Variants in DYSF observed in about 807,000 individuals in gnomAD.
The protein encoded by DYSF is dysferlin, also known as dystrophy-associated fer-1-like 1.
A neutral mutation model predicts 274.9 loss-of-function variants in DYSF; 212 were observed. The ratio of observed to expected loss-of-function variants is 0.77; its 90% CI spans 0.69 to 0.86. The LOEUF is 0.86. DYSF is among the 40% of genes least tolerant of loss of function. The pLI, the probability that DYSF is intolerant of heterozygous loss-of-function variation, is 0.00. For missense variants in DYSF, 2,666 were observed against 2,783.2 expected (o/e 0.96, Z 0.95); for synonymous variants, 1,091 against 1,078.7 (o/e 1.01, Z -0.22).
At chr2:71,497,248 C>A (rs1019697957) in intron 3 of DYSF, among the ~76,000 whole-genome samples, 2 of 152,104 alleles carry the variant, frequency 1.3e-5, no homozygotes, top group Non-Finnish European at 2.9e-5. Flanking sequence ...CTCAAATCAG[C>A]CTCCTCGAAA....
chr2:71,513,726 A>G lies in DYSF; in HGVS notation c.564A>G (p.Gly188=), dbSNP rs770164228. Residue 188 remains glycine (G), a synonymous_variant, in exon 7 of 56, where the codon GGA becomes GGG. Transcript: ENST00000410020. The stretch of plus-strand genomic sequence containing the variant: ...GCCCTCTCCTCTTAGACACAGGAGG[A>G]GAGGAAGACACAGAGGACCAGGGAC... The part of the protein sequence containing the change: ...KKWPAPTDTG[G]EEDTEDQGLT... The G allele has an allele frequency of 6.2e-7, 1 of 1,613,966 alleles. No individual in the cohort carries two copies. The highest frequency in any genetic ancestry group is 8.5e-7 in the Non-Finnish European group (1 of 1,179,966).
chr2:71,568,174 T>C lies in DYSF; in HGVS notation c.2700T>C (p.Tyr900=), dbSNP rs149979662. The C allele has an allele frequency of 1.4e-4, 220 of 1,614,106 alleles. 1 individual carries two copies. The highest frequency in any genetic ancestry group is 1.8e-4 in the Non-Finnish European group (211 of 1,180,044). The change falls in exon 26 of 56, where the codon TAT becomes TAC. Residue 900 remains tyrosine, a splice_region_variant and synonymous_variant. Coordinates refer to ENST00000410020, the MANE Select transcript of DYSF (RefSeq NM_001130987.2). ...EGKLSVFAET[Y]ENETKLALVG... ...CCTCATTCTTCCTGGCCCTCCAGTA[T>C]GAGAACGAGACTAAGTTGGCCCTTG... is the stretch of plus-strand genomic sequence containing the variant.
At chr2:71,458,945 T>C (rs995850546) in intron 1 of DYSF, among the ~76,000 whole-genome samples, 2 of 152,228 alleles carry the variant, frequency 1.3e-5, no homozygotes, top group Non-Finnish European at 2.9e-5. Context: ...GTTTCCACTA[T>C]GCACGATTTC....
At chr2:71,654,433 C>A (rs1374158432) in intron 42 of DYSF, among the ~76,000 whole-genome samples, 1 of 152,112 alleles carries the variant, frequency 6.6e-6, no homozygotes, top group Non-Finnish European at 1.5e-5. Flanking sequence ...AACAAGTGCA[C>A]AAAACACTTG....
chr2:71,475,859 C>T (rs551541471), intron 1 of DYSF, among the ~76,000 whole-genome samples: 1 of 152,284 alleles, frequency 6.6e-6, no homozygotes, highest in South Asian at 2.1e-4. Flanking sequence ...GCCTCAAACT[C>T]CTGGGCTCAA....
intron 34 of DYSF, 116 bp from the exon 35 acceptor site, chr2:71,601,383 A>T (rs1184478791): frequency 7.3e-7 from 1 of 1,361,706 alleles, no homozygotes; most frequent in African/African-American, 1.4e-5. Context: ...CCCTCAAGGA[A>T]TAGAGGCTGC....
At chr2:71,635,016 C>T (rs1390873301) in intron 41 of DYSF, among the ~76,000 whole-genome samples, 2 of 152,184 alleles carry the variant, frequency 1.3e-5, no homozygotes, top group African/African-American at 4.8e-5. Flanking sequence ...TAGGCTCTGT[C>T]TCCCATGACA....
At chr2:71,541,064 C>T (rs1440484010) in intron 17 of DYSF, among the ~76,000 whole-genome samples, 1 of 152,102 alleles carries the variant, frequency 6.6e-6, no homozygotes, top group Non-Finnish European at 1.5e-5. Flanking sequence ...TGTTCTTGGG[C>T]CTGTTCCTCT....
rs142699652 is a variant in DYSF at position 71,685,128 on chromosome 2, G to A, written c.6322-1326G>A. 4.3e-3 allele frequency among the ~76,000 whole-genome samples: 651 copies of A among 152,314 alleles called. 2 individuals carry two copies. Among genetic ancestry groups the A allele is most frequent in the Middle Eastern group, 0.024 (7 of 294 alleles). ...GAGGCCCTGCTGCCTGGCTGGGAGA[G>A]GAAGGAAAGATTTCCAGTCACTTCC... On this transcript the variant is annotated intron_variant, in intron 55 of 55. Coordinates refer to ENST00000410020, the MANE Select transcript of DYSF (RefSeq NM_001130987.2).
chr2:71,591,575 CAG>C (rs1558559394), intron 32 of DYSF, among the ~76,000 whole-genome samples: 1 of 152,242 alleles, frequency 6.6e-6, no homozygotes, highest in Admixed American at 6.5e-5. Context: ...GGTGAAGAGA[CAG>C]ATACTCGGAT....
chr2:71,511,427 T>C (rs940576093), intron 4 of DYSF, among the ~76,000 whole-genome samples: 15 of 152,280 alleles, frequency 9.9e-5, no homozygotes, highest in Admixed American at 5.2e-4. Context: ...GCAGGTGAGG[T>C]TGGATCCCTG....
chr2:71,487,564 A>T (rs1458456387), intron 3 of DYSF, among the ~76,000 whole-genome samples: 1 of 152,188 alleles, frequency 6.6e-6, no homozygotes, highest in African/African-American at 2.4e-5. Flanking sequence ...GAAGGAATGC[A>T]GTGGCATGAT....
At chr2:71,597,660 G>A (rs1286754162) in intron 32 of DYSF, among the ~76,000 whole-genome samples, 1 of 152,104 alleles carries the variant, frequency 6.6e-6, no homozygotes, top group Non-Finnish European at 1.5e-5. Context: ...CTTGCCTTTG[G>A]GACAAGGTAG....
At chr2:71,640,606 C>T (rs1202065803) in intron 41 of DYSF, among the ~76,000 whole-genome samples, 1 of 152,178 alleles carries the variant, frequency 6.6e-6, no homozygotes, top group Admixed American at 6.5e-5. Context: ...GGTTTCCTCT[C>T]CTGACTCACT....
At chr2:71,453,956 C>T in exon 1 of DYSF, 1 of 1,606,722 alleles carries the variant, frequency 6.2e-7, no homozygotes, top group African/African-American at 1.3e-5. Context: ...CTTTCCGAGC[C>T]CTCTTTGCGC....
At chr2:71,678,228 G>A (rs1432919481) in intron 52 of DYSF, among the ~76,000 whole-genome samples, 1 of 152,100 alleles carries the variant, frequency 6.6e-6, no homozygotes, top group Non-Finnish European at 1.5e-5. Context: ...TTTTCCACTT[G>A]TAGCATTATG....
At chr2:71,540,231 C>T (rs1216283698) in intron 17 of DYSF, among the ~76,000 whole-genome samples, 2 of 151,968 alleles carry the variant, frequency 1.3e-5, no homozygotes, top group Non-Finnish European at 2.9e-5. Context: ...CTGCCTCAGC[C>T]TCCCGAGCAG....
intron 22 of DYSF, among the ~76,000 whole-genome samples, chr2:71,557,031 G>A (rs1247123096): frequency 6.6e-6 from 1 of 152,166 alleles, no homozygotes; most frequent in African/African-American, 2.4e-5. Context: ...TTACCCCAGA[G>A]AAATGCTCCC....
chr2:71,686,729 C>T lies in DYSF; in HGVS notation c.*237C>T, dbSNP rs1159261274. The T allele has an allele frequency of 3.5e-6, 2 of 575,238 alleles. No homozygotes were observed. Among genetic ancestry groups the T allele is most frequent in the South Asian group, 1.9e-5 (1 of 52,284 alleles). 35.6% of individuals were successfully genotyped at this position (575,238 alleles called of 1,614,324 possible). On this transcript the variant is annotated 3_prime_UTR_variant, in exon 56 of 56. Coordinates refer to ENST00000410020, the MANE Select transcript of DYSF (RefSeq NM_001130987.2). Reference sequence around the variant, plus strand: ...AACCCAACGCTTTTTTGGATCAGCTCAGACATATTTCAGTATAAAACAGTT... The same window carrying T: ...AACCCAACGCTTTTTTGGATCAGCTTAGACATATTTCAGTATAAAACAGTT...
Sources: gnomAD v4.1 joint callset for allele counts (sites outside exome capture counted in the v4.1 genomes callset) on GRCh38, gnomAD v4.1.1 for gene constraint, MANE v1.5 for transcripts, NCBI Gene and HGNC (gene_info 2026-07-23, HGNC 2026-07-21) for gene names.